The following ABLIM1 variants were observed in gnomAD, a reference collection of about 807,000 sequenced individuals.
The protein encoded by ABLIM1 is actin binding LIM protein 1.
In ABLIM1, 40 loss-of-function variants were observed where a neutral mutation model predicts 107.0. That is an observed-to-expected ratio of 0.37 (90% CI 0.29 to 0.49). ABLIM1 has a LOEUF of 0.49. Ranked by LOEUF, ABLIM1 falls within the 20% of genes least tolerant of loss-of-function variation. The pLI is 0.97. For synonymous variants in ABLIM1, 357 were observed against 357.3 expected, an observed-to-expected ratio of 1.00 and a Z score of 0.01; for missense variants, 857 against 1,008.5, an observed-to-expected ratio of 0.85 and a Z score of 2.04.
the ABLIM1 span, among the ~76,000 whole-genome samples, chr10:114,790,536 C>A: frequency 1.3e-5 from 2 of 152,138 alleles, no homozygotes; most frequent in Non-Finnish European, 2.9e-5. Flanking sequence ...AAATAAGAAG[C>A]GTCTTGCTCA....
At chr10:114,544,925 G>A in intron 6 of ABLIM1, 80 bp downstream of exon 6, 2 of 1,314,802 alleles carry the variant, frequency 1.5e-6, no homozygotes, top group Non-Finnish European at 2.2e-6. Context: ...GAGGAGGTGG[G>A]AAAGGGTCCC....
intron 11 of ABLIM1, among the ~76,000 whole-genome samples, chr10:114,466,727 G>A (rs533203448): frequency 6.6e-5 from 10 of 152,170 alleles, no homozygotes; most frequent in African/African-American, 2.4e-4. Context: ...TCTCACTTTG[G>A]GAAACATATC....
chr10:114,555,127 T>A (rs192343538), intron 4 of ABLIM1, among the ~76,000 whole-genome samples: 1 of 152,360 alleles, frequency 6.6e-6, no homozygotes, highest in Non-Finnish European at 1.5e-5. Flanking sequence ...TGGCCCACTG[T>A]CAGCTTCTGG....
chr10:114,577,207 T>C (rs552554136), intron 2 of ABLIM1, among the ~76,000 whole-genome samples: 1 of 152,344 alleles, frequency 6.6e-6, no homozygotes, highest in Admixed American at 6.5e-5. Context: ...TTCAGGAACC[T>C]AATTGTATCT....
intron 10 of ABLIM1, among the ~76,000 whole-genome samples, chr10:114,471,076 A>G (rs2066447562): frequency 6.6e-6 from 1 of 151,866 alleles, no homozygotes; most frequent in Admixed American, 6.6e-5. Flanking sequence ...TTCTGTAGAG[A>G]TGGAATTTTG....
At chr10:114,553,008 G>A (rs899001815) in intron 4 of ABLIM1, among the ~76,000 whole-genome samples, 1 of 152,194 alleles carries the variant, frequency 6.6e-6, no homozygotes, top group African/African-American at 2.4e-5. Flanking sequence ...GGGATAGAAA[G>A]TTAAGAGAGA....
At chr10:114,439,980 C>T in intron 20 of ABLIM1, 102 bp downstream of exon 20, 1 of 1,581,990 alleles carries the variant, frequency 6.3e-7, no homozygotes, top group East Asian at 2.2e-5. Context: ...CCACAACAAG[C>T]ATCTTCTCAA....
At position 114,619,945 on chromosome 10, in the gene ABLIM1, A is replaced by G. The variant is rs1281501024; in HGVS notation, c.245-17984T>C. On this transcript the variant is annotated intron_variant, in intron 1 of 22. Transcript: ENST00000533213. This position sits in a 1 kb window ranked among gnomAD's most constrained non-coding sequence, Gnocchi z 4.1. ...AAAGTGGCAAATGAAAGATTCAGAC[A>G]TTCTTTTGTCAAAACCTGTCCCGTT... 6.6e-6 allele frequency among the ~76,000 whole-genome samples: 1 copy of G among 152,234 alleles called. No homozygotes were observed. Among genetic ancestry groups the G allele is most frequent in the East Asian group, 1.9e-4 (1 of 5,196 alleles).
At chr10:114,626,561 C>T (rs1388191165) in intron 1 of ABLIM1, among the ~76,000 whole-genome samples, 1 of 152,118 alleles carries the variant, frequency 6.6e-6, no homozygotes, top group Non-Finnish European at 1.5e-5. Flanking sequence ...CCACCGACCT[C>T]CTCCCTTCCT....
intron 1 of ABLIM1, among the ~76,000 whole-genome samples, chr10:114,639,179 G>T (rs1052249211): frequency 6.6e-6 from 1 of 152,108 alleles, no homozygotes; most frequent in Non-Finnish European, 1.5e-5. Flanking sequence ...AGTAAAACAT[G>T]CAACACACAC....
chr10:114,575,517 G>C lies in ABLIM1; in HGVS notation c.462C>G (p.Tyr154Ter), dbSNP rs200929910. The change falls in exon 3 of 23, where the codon TAC (tyrosine) becomes TAG (stop). Residue 154 changes from tyrosine to a stop codon, truncating the protein, a stop_gained. Transcript: ENST00000533213. LOFTEE classifies it high-confidence loss of function. ...YLCTLDYQRMYGTRCHGCGEF... is the reference protein window; with the variant it reads ...YLCTLDYQRM The stretch of plus-strand genomic sequence containing the variant: ...CCCCACAGCCATGGCAGCGTGTCCC[G>C]TACATCCGCTGGTAGTCCAGGGTGC... The C allele has an allele frequency of 6.2e-7, 1 of 1,614,074 alleles. No homozygotes were observed. The highest frequency in any genetic ancestry group is 1.3e-5 in the African/African-American group (1 of 74,916).
chr10:114,644,080 G>A (rs1347481952), intron 1 of ABLIM1, among the ~76,000 whole-genome samples: 1 of 150,900 alleles, frequency 6.6e-6, no homozygotes, highest in Non-Finnish European at 1.5e-5. Context: ...AGGAGATAGA[G>A]ACCACCCTGG....
At chr10:114,639,431 T>C (rs1453330824) in intron 1 of ABLIM1, among the ~76,000 whole-genome samples, 1 of 152,244 alleles carries the variant, frequency 6.6e-6, no homozygotes, top group African/African-American at 2.4e-5. Flanking sequence ...TCCTGCCGCC[T>C]ACCCAGTGGT....
chr10:114,555,771 T>C (rs537328759), intron 4 of ABLIM1, among the ~76,000 whole-genome samples: 2 of 152,288 alleles, frequency 1.3e-5, no homozygotes, highest in East Asian at 3.9e-4. Context: ...ATTTAAAAAA[T>C]CAATTTTCAG....
chr10:114,770,775 T>C (rs2083014533), upstream of ABLIM1, among the ~76,000 whole-genome samples: 2 of 152,238 alleles, frequency 1.3e-5, no homozygotes, highest in South Asian at 4.1e-4. Flanking sequence ...ACATATGTTA[T>C]ATCAGATATC....
At chr10:114,708,397 A>G (rs942563757) in intron 1 of ABLIM1, among the ~76,000 whole-genome samples, 1 of 152,194 alleles carries the variant, frequency 6.6e-6, no homozygotes, top group Non-Finnish European at 1.5e-5. Flanking sequence ...GGAGTGTCCC[A>G]GTTCCCTCCT....
intron 22 of ABLIM1, 101 bp downstream of exon 22, chr10:114,437,743 T>C (rs1043469919): frequency 2.0e-5 from 20 of 993,328 alleles, no homozygotes; most frequent in Non-Finnish European, 3.1e-5. Flanking sequence ...CTTTATAATT[T>C]TTTTTTGTTT....
intron 1 of ABLIM1, among the ~76,000 whole-genome samples, chr10:114,727,635 T>C (rs1317007689): frequency 6.6e-6 from 1 of 152,080 alleles, no homozygotes; most frequent in African/African-American, 2.4e-5. Context: ...ATAAAGAAAA[T>C]ATTTAATAAA....
rs192128032 is a variant in ABLIM1, at chr10:114,629,645, G to C, written c.245-27684C>G. Reference sequence around the variant, plus strand: ...TCTCTCATCCACTACATGGTGTGACGAGACACAGAGAATGAGTACTTTGTC... The same window carrying C: ...TCTCTCATCCACTACATGGTGTGACCAGACACAGAGAATGAGTACTTTGTC... On this transcript the variant is annotated intron_variant, in intron 1 of 22. Coordinates refer to ENST00000533213, the MANE Select transcript of ABLIM1 (RefSeq NM_002313.7). This position sits in a 1 kb window ranked among gnomAD's most constrained non-coding sequence, Gnocchi z 4.0. Among the ~76,000 whole-genome samples, 2 of 152,100 alleles carry C rather than the reference G, an allele frequency of 1.3e-5. No homozygotes were observed. Among genetic ancestry groups the C allele is most frequent in the African/African-American group, 4.8e-5 (2 of 41,416 alleles).
Sources: gnomAD v4.1 joint callset for allele counts (sites outside exome capture counted in the v4.1 genomes callset) on GRCh38, gnomAD v4.1.1 for gene constraint, Gnocchi (gnomAD v3.1) non-coding constraint, MANE v1.5 for transcripts, NCBI Gene and HGNC (gene_info 2026-07-23, HGNC 2026-07-21) for gene names.